Variants in TRPM7 observed in about 807,000 individuals in gnomAD.
TRPM7 encodes transient receptor potential cation channel subfamily M member 7, also known as LTRPC ion channel family member 7.
Under a neutral mutation model 229.7 loss-of-function variants are expected in TRPM7, and 134 were observed. The observed-to-expected ratio is 0.58, with a 90% CI of 0.51 to 0.67. The LOEUF is 0.67. Among genes scored for constraint, TRPM7 ranks in the 30% least tolerant of loss-of-function variants. The pLI is 0.00. For synonymous variants in TRPM7, 699 were observed against 715.2 expected, an observed-to-expected ratio of 0.98 and a Z score of 0.36; for missense variants, 1,901 against 2,210.0, an observed-to-expected ratio of 0.86 and a Z score of 2.80.
intron 4 of TRPM7, among the ~76,000 whole-genome samples, chr15:50,646,455 T>G (rs1010580876): frequency 1.3e-5 from 2 of 151,992 alleles, no homozygotes; most frequent in Non-Finnish European, 2.9e-5. Flanking sequence ...GCTAATATTT[T>G]TGAATTTTAG....
chr15:50,580,112 C>A (rs1201995893), intron 30 of TRPM7, among the ~76,000 whole-genome samples: 2 of 152,178 alleles, frequency 1.3e-5, no homozygotes, highest in Non-Finnish European at 2.9e-5. Flanking sequence ...AAAAACACTG[C>A]AGAATAATAA....
intron 26 of TRPM7, among the ~76,000 whole-genome samples, chr15:50,589,929 C>T (rs1339199571): frequency 6.6e-6 from 1 of 152,054 alleles, no homozygotes; most frequent in East Asian, 1.9e-4. Context: ...GTGACCTTGG[C>T]TCACTTCAAC....
At chr15:50,662,726 T>C (rs550886111) in intron 2 of TRPM7, among the ~76,000 whole-genome samples, 4 of 152,276 alleles carry the variant, frequency 2.6e-5, no homozygotes, top group African/African-American at 9.6e-5. Context: ...AGTTTAGAGA[T>C]GGAGGAACAC....
intron 3 of TRPM7, among the ~76,000 whole-genome samples, chr15:50,655,639 T>C (rs976182049): frequency 7.9e-5 from 12 of 152,022 alleles, no homozygotes; most frequent in Non-Finnish European, 2.9e-5. Flanking sequence ...GGAAGACAAC[T>C]ACTGTATTAC....
rs983802974 is a variant in TRPM7, at chr15:50,618,172, A to C, written c.1494+1573T>G. Among the ~76,000 whole-genome samples, 4 of 152,196 alleles carry C rather than the reference A, an allele frequency of 2.6e-5. No individual in the cohort carries two copies. In the East Asian group the frequency reaches 5.8e-4, roughly 22 times the overall value. On this transcript the variant is annotated intron_variant, in intron 13 of 38. Transcript: ENST00000646667. The stretch of plus-strand genomic sequence containing the variant: ...TAAACGTTTAAAACTTTTAGTTCAC[A>C]AACAATCCTGATAGAAGAGGAATAA...
chr15:50,650,325 G>C (rs1312016492), intron 3 of TRPM7, among the ~76,000 whole-genome samples: 3 of 151,626 alleles, frequency 2.0e-5, no homozygotes, highest in Non-Finnish European at 4.4e-5. Flanking sequence ...CCACCAGCCA[G>C]AGTAGAGATC....
intron 20 of TRPM7, among the ~76,000 whole-genome samples, chr15:50,605,394 C>T (rs1483940445): frequency 6.6e-6 from 1 of 152,172 alleles, no homozygotes; most frequent in East Asian, 1.9e-4. Flanking sequence ...GATTACAACC[C>T]AGTTCTCTAG....
chr15:50,614,085 A>G, intron 14 of TRPM7, 38 bp downstream of exon 14: 1 of 1,534,984 alleles, frequency 6.5e-7, no homozygotes, highest in Non-Finnish European at 8.8e-7. Flanking sequence ...TGTTAATATT[A>G]AAGCATATAT....
chr15:50,631,391 A>G (rs1245403139), intron 10 of TRPM7, 26 bp downstream of exon 10: 2 of 1,496,082 alleles, frequency 1.3e-6, no homozygotes, highest in African/African-American at 1.4e-5. Context: ...AAGGTCTTAC[A>G]AATAAAAAAG....
intron 7 of TRPM7, among the ~76,000 whole-genome samples, chr15:50,636,297 TCTC>T (rs1424252770): frequency 6.6e-6 from 1 of 151,672 alleles, no homozygotes; most frequent in Admixed American, 6.6e-5. Context: ...CTCAAACAAT[TCTC>T]CTGTCTCAGC....
intron 27 of TRPM7, chr15:50,586,722 AAT>A (rs1162193991): frequency 5.9e-6 from 2 of 341,692 alleles, no homozygotes; most frequent in African/African-American, 4.3e-5. Flanking sequence ...AATTTTTTAT[AAT>A]AATAAAAACT....
Position 50,574,876 on chromosome 15 carries a change from A to G in TRPM7, c.4995T>C (p.Asp1665=). ...VNTWSSIYKE[D]TVLHLCLREI... ...CTCTCAGACAGAGATGCAGAACTGT[A>G]TCTTCTTTGTAAATACTTGACCATG... The change falls in exon 34 of 39, where the codon GAT becomes GAC. Residue 1665 remains aspartate, a synonymous_variant. Transcript: ENST00000646667. 6.2e-7 allele frequency: 1 copy of G among 1,612,822 alleles called. No individual in the cohort carries two copies.
rs371009866 is a variant in TRPM7, at chr15:50,686,664, CCTT to C, written c.-134_-132del. On this transcript the variant is annotated 5_prime_UTR_variant, in exon 1 of 39. Transcript: ENST00000646667. The stretch of plus-strand genomic sequence containing the variant: ...GCCGGACAAGGAACGCCCAGGGAAA[CCTT>C]CTCAGAACTAACTCAGCTCCGGCGC... The C allele has an allele frequency of 1.9e-4, 250 of 1,320,234 alleles. No homozygotes were observed. In the African/African-American group the frequency reaches 3.4e-3, roughly 18 times the overall value. The allele number at this position is 1,320,234 out of a possible 1,614,324, so 81.8% of individuals were successfully genotyped here.
Position 50,643,573 on chromosome 15 carries a change from G to T in TRPM7, c.322-20C>A. 6.3e-7 allele frequency: 1 copy of T among 1,599,352 alleles called. No homozygotes were observed. The highest frequency in any genetic ancestry group is 8.6e-7 in the Non-Finnish European group (1 of 1,167,830). On this transcript the variant is annotated intron_variant, in intron 4 of 38. Transcript: ENST00000646667. ...CACATACTAGAAAAAGATTTTAAAAGGAGAAAATAATTGAACATGTTCACA... is the reference window on the plus strand; with the variant it reads ...CACATACTAGAAAAAGATTTTAAAATGAGAAAATAATTGAACATGTTCACA...
In TRPM7 at chr15:50,604,917, A is replaced by G. The variant is rs35224461; in HGVS notation, c.2937T>C (p.Phe979=). 2,858 of 1,611,950 alleles carry G rather than the reference A, an allele frequency of 1.8e-3. 4 individuals are homozygous for G. The highest frequency in any genetic ancestry group is 4.2e-3 in the Admixed American group (251 of 59,498). ...IIFWYVRLLD[F]LAVNQQAGPY... ...GTCCTGCCTGTTGATTTACAGCTAG[A>G]AAATCTAGCAAACGCACATACCAAA... is the stretch of plus-strand genomic sequence containing the variant. The change falls in exon 21 of 39, where the codon TTT becomes TTC. Residue 979 remains phenylalanine (F), a synonymous_variant. Transcript: ENST00000646667.
chr15:50,683,588 G>C (rs1363288143), intron 1 of TRPM7, among the ~76,000 whole-genome samples: 1 of 152,112 alleles, frequency 6.6e-6, no homozygotes, highest in African/African-American at 2.4e-5. Flanking sequence ...ACAAAAATTA[G>C]CCGGGTGTGG....
intron 27 of TRPM7, 54 bp downstream of exon 27, chr15:50,589,538 A>T (rs1420178705): frequency 1.8e-5 from 23 of 1,267,782 alleles, no homozygotes; most frequent in Non-Finnish European, 2.5e-5. Context: ...TGAACTAAAC[A>T]TCAAGACAGT....
In TRPM7 at chr15:50,611,635, T is replaced by C. The variant is rs549036701; in HGVS notation, c.2052-314A>G. Among the ~76,000 whole-genome samples, 3 of 152,312 alleles carry C rather than the reference T, an allele frequency of 2.0e-5. No homozygotes were observed. The East Asian group carries it at 5.8e-4, about 29-fold the overall frequency. The stretch of plus-strand genomic sequence containing the variant: ...CTACAATGCTCTGTTCAAAAAAGTT[T>C]ATGTAGTATTTCAAACACAGAAAAC... On this transcript the variant is annotated intron_variant, in intron 16 of 38. Coordinates refer to ENST00000646667, the MANE Select transcript of TRPM7 (RefSeq NM_017672.6).
intron 1 of TRPM7, among the ~76,000 whole-genome samples, chr15:50,680,034 G>C (rs1460985522): frequency 6.6e-6 from 1 of 151,980 alleles, no homozygotes; most frequent in African/African-American, 2.4e-5. Context: ...AGGAGTTCGA[G>C]ACCAGCCTGG....
Sources: gnomAD v4.1 joint callset for allele counts (sites outside exome capture counted in the v4.1 genomes callset) on GRCh38, gnomAD v4.1.1 for gene constraint, MANE v1.5 for transcripts, NCBI Gene and HGNC (gene_info 2026-07-23, HGNC 2026-07-21) for gene names.